Variants in SYNPR observed in about 807,000 individuals in gnomAD.
SYNPR encodes synaptoporin.
Under a neutral mutation model 32.9 loss-of-function variants are expected in SYNPR, and 23 were observed. The observed-to-expected ratio is 0.70, with a 90% CI of 0.50 to 0.99. SYNPR has a LOEUF of 0.99. Among genes scored for constraint, SYNPR ranks in the 50% least tolerant of loss-of-function variants. The pLI, the probability that SYNPR is intolerant of heterozygous loss-of-function variation, is 0.00. For missense variants in SYNPR, 318 were observed against 349.3 expected (o/e 0.91, Z 0.71); for synonymous variants, 146 against 135.9 (o/e 1.07, Z -0.52).
At chr3:63,429,303 G>A (rs1699944696) in intron 2 of SYNPR, among the ~76,000 whole-genome samples, 1 of 152,130 alleles carries the variant, frequency 6.6e-6, no homozygotes, top group Non-Finnish European at 1.5e-5. Flanking sequence ...GCATGTAGGT[G>A]GGTAACAATG....
chr3:63,203,999 TCAAAAA>T, the SYNPR span, among the ~76,000 whole-genome samples: 20 of 151,924 alleles, frequency 1.3e-4, no homozygotes, highest in African/African-American at 4.8e-4. Flanking sequence ...AAACTCCATC[TCAAAAA>T]CAAAAACAAA....
chr3:63,335,001 G>A (rs1362611230), intron 2 of SYNPR, among the ~76,000 whole-genome samples: 1 of 152,194 alleles, frequency 6.6e-6, no homozygotes, highest in Non-Finnish European at 1.5e-5. Flanking sequence ...GGGGTACAGA[G>A]TCCAGGGAGA....
chr3:63,265,700 A>G (rs530816272), intron 2 of SYNPR, among the ~76,000 whole-genome samples: 1 of 152,368 alleles, frequency 6.6e-6, no homozygotes, highest in East Asian at 1.9e-4. Context: ...TGCTTTCATA[A>G]TGTTCCATAC....
intron 2 of SYNPR, among the ~76,000 whole-genome samples, chr3:63,469,555 T>C (rs993155461): frequency 6.6e-6 from 1 of 152,214 alleles, no homozygotes; most frequent in South Asian, 2.1e-4. Context: ...CTCTCTCTAA[T>C]CAGGTGTCAG....
At chr3:63,383,233 G>A (rs1324293381) in intron 2 of SYNPR, among the ~76,000 whole-genome samples, 1 of 152,104 alleles carries the variant, frequency 6.6e-6, no homozygotes, top group African/African-American at 2.4e-5. Context: ...AACACGTTCT[G>A]AACAAATTGA....
At chr3:63,495,105 C>A (rs1701347325) in intron 3 of SYNPR, among the ~76,000 whole-genome samples, 2 of 152,140 alleles carry the variant, frequency 1.3e-5, no homozygotes, top group Admixed American at 1.3e-4. Context: ...TTCCTTTTTG[C>A]AGCTGGCTAG....
At chr3:63,355,276 C>CAA (rs34592172) in intron 2 of SYNPR, among the ~76,000 whole-genome samples, 2,264 of 93,748 alleles carry the variant, frequency 0.024, 64 homozygotes, top group African/African-American at 0.072. Context: ...GAGACCCTGT[C>CAA]AAAAAAAAAA....
intron 2 of SYNPR, among the ~76,000 whole-genome samples, chr3:63,363,656 A>T (rs1462728904): frequency 6.6e-6 from 1 of 152,166 alleles, no homozygotes; most frequent in Admixed American, 6.5e-5. Context: ...TAACTAATTC[A>T]TGGGGTAATT....
chr3:63,500,000 T>A (rs552245928), intron 3 of SYNPR, among the ~76,000 whole-genome samples: 6 of 152,260 alleles, frequency 3.9e-5, no homozygotes, highest in South Asian at 4.1e-4. Flanking sequence ...TAAATTTTTT[T>A]AAAATTAAAC....
At chr3:63,337,606 A>T (rs2087311906) in intron 2 of SYNPR, among the ~76,000 whole-genome samples, 1 of 152,244 alleles carries the variant, frequency 6.6e-6, no homozygotes, top group South Asian at 2.1e-4. Context: ...AACCGGAAGC[A>T]ACCAAGATGT....
rs1159084139 is a variant in SYNPR at position 63,454,649 on chromosome 3, C to T, written c.85-26183C>T. On this transcript the variant is annotated intron_variant, in intron 2 of 5. Coordinates refer to ENST00000478300, the MANE Select transcript of SYNPR (RefSeq NM_001130003.2). The stretch of plus-strand genomic sequence containing the variant: ...GACACAGACAAAGGTCCTCATTCTC[C>T]AAATTCAACTTGGACTTTACCACAG... Among the ~76,000 whole-genome samples, 6 of 152,074 alleles carry T rather than the reference C, an allele frequency of 3.9e-5. No individual in the cohort carries two copies. The South Asian group carries it at 1.2e-3, about 32-fold the overall frequency.
the SYNPR span, among the ~76,000 whole-genome samples, chr3:63,210,832 C>G: frequency 6.7e-6 from 1 of 149,400 alleles, no homozygotes. Context: ...TTTCCTTCCT[C>G]TCTTGTTCTC....
At position 63,595,800 on chromosome 3, in the gene SYNPR, G is replaced by GTT. The variant is rs1491115865; in HGVS notation, c.409-13324_409-13323dup. Among the ~76,000 whole-genome samples, 75 of 25,798 alleles carry GTT rather than the reference G, an allele frequency of 2.9e-3. 3 individuals carry two copies. The highest frequency in any genetic ancestry group is 4.3e-3 in the Admixed American group (7 of 1,610). 16.9% of individuals were successfully genotyped at this position (25,798 alleles called of 152,430 possible). A position where few individuals can be genotyped will look rare whatever the true frequency, so the allele number is the denominator to read the frequency against. ...ATATATATATAGTTATATATATATAGTTATATATATATATAGTTTTATATA... is the reference window on the plus strand; with the variant it reads ...ATATATATATAGTTATATATATATAGTTTTATATATATATATAGTTTTATATA... On this transcript the variant is annotated intron_variant, in intron 4 of 5. Transcript: ENST00000478300.
At chr3:63,601,732 C>A (rs1700046621) in intron 4 of SYNPR, among the ~76,000 whole-genome samples, 1 of 151,716 alleles carries the variant, frequency 6.6e-6, no homozygotes, top group Non-Finnish European at 1.5e-5. Flanking sequence ...ACCACATTTT[C>A]TTTAGCTAGT....
At chr3:63,437,120 G>T (rs1488113883) in intron 2 of SYNPR, among the ~76,000 whole-genome samples, 1 of 151,238 alleles carries the variant, frequency 6.6e-6, no homozygotes, top group Non-Finnish European at 1.5e-5. Flanking sequence ...CAAGTTATCT[G>T]CCCACCTCGG....
intron 2 of SYNPR, among the ~76,000 whole-genome samples, chr3:63,434,434 A>G (rs1401846271): frequency 6.6e-6 from 1 of 152,202 alleles, no homozygotes; most frequent in African/African-American, 2.4e-5. Flanking sequence ...AGGCTAAGAG[A>G]GTCTCATCAA....
chr3:63,318,251 G>A (rs988674921), intron 2 of SYNPR, among the ~76,000 whole-genome samples: 4 of 151,976 alleles, frequency 2.6e-5, no homozygotes, highest in African/African-American at 7.2e-5. Context: ...ATCTTTTTGC[G>A]ATGAATTTCC....
intron 4 of SYNPR, among the ~76,000 whole-genome samples, chr3:63,576,346 G>A (rs1702979228): frequency 1.3e-5 from 2 of 152,128 alleles, no homozygotes; most frequent in South Asian, 4.1e-4. Flanking sequence ...GAGAATTGTT[G>A]CTAATTTTAG....
At chr3:63,237,437 T>C (rs558825256) in intron 1 of SYNPR, among the ~76,000 whole-genome samples, 1 of 152,178 alleles carries the variant, frequency 6.6e-6, no homozygotes, top group Non-Finnish European at 1.5e-5. Context: ...TGCTGAAATT[T>C]TCATGTGCGT....
Sources: allele counts gnomAD v4.1 joint callset (sites outside exome capture counted in the v4.1 genomes callset), GRCh38; gene constraint gnomAD v4.1.1; transcripts MANE v1.5; gene names NCBI Gene and HGNC (gene_info 2026-07-23, HGNC 2026-07-21).